OTUD7A: variants seen among roughly 807,000 people sequenced by gnomAD.
OTUD7A encodes the protein OTU deubiquitinase 7A, also known as OTU domain-containing protein 7A.
OTUD7A carries 12 observed loss-of-function variants against 65.7 expected under a neutral mutation model. That is an observed-to-expected ratio of 0.18 (90% confidence interval 0.12 to 0.30). The LOEUF (loss-of-function observed/expected upper bound fraction) is 0.30, where lower values mean the gene tolerates loss of function less well. OTUD7A is among the 10% of genes least tolerant of loss of function. OTUD7A has a pLI of 1.00. For synonymous variants in OTUD7A, 641 were observed against 586.3 expected (o/e 1.09, Z -1.35); for missense variants, 1,148 against 1,304.8 (o/e 0.88, Z 1.85).
intron 3 of OTUD7A, among the ~76,000 whole-genome samples, chr15:31,643,245 A>G (rs1444316777): frequency 6.6e-6 from 1 of 152,168 alleles, no homozygotes; most frequent in Admixed American, 6.5e-5. Context: ...TCAACCTCCC[A>G]AGTAGCTGGG....
intron 8 of OTUD7A, among the ~76,000 whole-genome samples, chr15:31,514,989 G>C (rs905337771): frequency 6.6e-6 from 1 of 152,166 alleles, no homozygotes; most frequent in Non-Finnish European, 1.5e-5. Flanking sequence ...TGCAGTGCCT[G>C]GGGGGTCAAG....
chr15:31,674,632 T>C (rs1404991697), intron 1 of OTUD7A, among the ~76,000 whole-genome samples: 1 of 152,178 alleles, frequency 6.6e-6, no homozygotes, highest in Non-Finnish European at 1.5e-5. Flanking sequence ...TGACTTGTGA[T>C]TCACCAATCT....
At chr15:31,524,097 GTAGATTCCTA>G (rs2041975684) in intron 8 of OTUD7A, among the ~76,000 whole-genome samples, 1 of 152,086 alleles carries the variant, frequency 6.6e-6, no homozygotes, top group African/African-American at 2.4e-5. Flanking sequence ...ACTCTGTTTG[GTAGATTCCTA>G]TTGCATATGC....
intron 8 of OTUD7A, among the ~76,000 whole-genome samples, chr15:31,507,785 G>A (rs543473612): frequency 1.9e-4 from 29 of 152,302 alleles, no homozygotes; most frequent in African/African-American, 6.7e-4. Flanking sequence ...ACTGATTGGT[G>A]TGTTTTACAG....
chr15:31,687,754 T>C (rs1006410302), intron 1 of OTUD7A, among the ~76,000 whole-genome samples: 1 of 152,214 alleles, frequency 6.6e-6, no homozygotes, highest in Non-Finnish European at 1.5e-5. Context: ...TGAAGGACTA[T>C]GTGACAAAGA....
At chr15:31,541,972 C>T (rs1225143655) in intron 5 of OTUD7A, among the ~76,000 whole-genome samples, 1 of 152,110 alleles carries the variant, frequency 6.6e-6, no homozygotes, top group Non-Finnish European at 1.5e-5. Flanking sequence ...GAAGACTTGA[C>T]CTAAATTGAT....
chr15:31,629,282 A>G (rs1891065952), intron 3 of OTUD7A, among the ~76,000 whole-genome samples: 1 of 152,156 alleles, frequency 6.6e-6, no homozygotes, highest in Non-Finnish European at 1.5e-5. Context: ...TACCTAATTT[A>G]TTGAGAGTTT....
At chr15:31,527,155 C>A (rs764816643) in intron 7 of OTUD7A, 26 bp downstream of exon 7, 1 of 1,613,526 alleles carries the variant, frequency 6.2e-7, no homozygotes, top group Non-Finnish European at 8.5e-7. Flanking sequence ...GGGTCCCGGG[C>A]TCTGGCCATG....
intron 3 of OTUD7A, among the ~76,000 whole-genome samples, chr15:31,614,793 T>C (rs1206246221): frequency 1.3e-5 from 2 of 152,122 alleles, no homozygotes; most frequent in Non-Finnish European, 2.9e-5. Flanking sequence ...ATTGACCCTA[T>C]AGAAAATAAC....
chr15:31,682,079 A>C (rs1165508268), intron 1 of OTUD7A, among the ~76,000 whole-genome samples: 1 of 152,180 alleles, frequency 6.6e-6, no homozygotes. Context: ...GGGATTTTGC[A>C]AAGTGGAGGG....
At chr15:31,689,344 G>A (rs1892911869) in intron 1 of OTUD7A, 1 of 150,986 alleles carries the variant, frequency 6.6e-6, no homozygotes, top group Non-Finnish European at 1.5e-5. Flanking sequence ...AAGACCCCAC[G>A]AACACAGGAC....
At chr15:31,806,275 G>A (rs905870818) in intron 1 of OTUD7A, among the ~76,000 whole-genome samples, 2 of 152,134 alleles carry the variant, frequency 1.3e-5, no homozygotes, top group Non-Finnish European at 2.9e-5. Flanking sequence ...GTGCATCTCT[G>A]GACAGGACTT....
intron 3 of OTUD7A, among the ~76,000 whole-genome samples, chr15:31,652,000 C>CAAAAAAA (rs34951638): frequency 8.7e-6 from 1 of 114,716 alleles, no homozygotes; most frequent in Non-Finnish European, 1.9e-5. Flanking sequence ...CATAGAAAGG[C>CAAAAAAA]AAAAAAAAAA....
At chr15:31,831,443 C>T (rs892008541) in intron 1 of OTUD7A, among the ~76,000 whole-genome samples, 10 of 152,144 alleles carry the variant, frequency 6.6e-5, no homozygotes, top group Non-Finnish European at 1.3e-4. Flanking sequence ...TCTTCAGCAT[C>T]GTCAGATAAC....
intron 1 of OTUD7A, among the ~76,000 whole-genome samples, chr15:31,677,430 C>A (rs545636444): frequency 6.6e-6 from 1 of 151,946 alleles, no homozygotes; most frequent in Non-Finnish European, 1.5e-5. Context: ...TGGCTGTGTC[C>A]CCACCCAAAA....
intron 10 of OTUD7A, among the ~76,000 whole-genome samples, chr15:31,493,867 A>G (rs2041350532): frequency 6.6e-6 from 1 of 152,228 alleles, no homozygotes. Context: ...TACTTAGGGG[A>G]AAAGTTATAG....
At position 31,510,928 on chromosome 15, in the gene OTUD7A, TATATGTATATCTATATGTA is replaced by T. The variant is rs2041693063; in HGVS notation, c.894-7129_894-7111del. ...CATATATGTATATCTATATGTAACA[TATATGTATATCTATATGTA>T]ACATATATGTATATCTATATGTAAC... On this transcript the variant is annotated intron_variant, in intron 8 of 12. Transcript: ENST00000307050. 1.9e-4 allele frequency among the ~76,000 whole-genome samples: 3 copies of T among 15,454 alleles called. 1 individual carries two copies. The highest frequency in any genetic ancestry group is 5.9e-4 in the African/African-American group (1 of 1,700). 10.1% of individuals were successfully genotyped at this position (15,454 alleles called of 152,430 possible).
At chr15:31,836,753 A>G (rs1297369520) in intron 1 of OTUD7A, among the ~76,000 whole-genome samples, 1 of 152,252 alleles carries the variant, frequency 6.6e-6, no homozygotes, top group Non-Finnish European at 1.5e-5. Context: ...CCACCAGATC[A>G]TATCAACTGT....
chr15:31,486,884 TAGG>T (rs887269701), intron 12 of OTUD7A, among the ~76,000 whole-genome samples: 1 of 152,134 alleles, frequency 6.6e-6, no homozygotes, highest in East Asian at 1.9e-4. Context: ...CTGCAGAAAA[TAGG>T]GGGACAAAAA....
Sources: gnomAD v4.1 joint callset for allele counts (sites outside exome capture counted in the v4.1 genomes callset) on GRCh38, gnomAD v4.1.1 for gene constraint, MANE v1.5 for transcripts, NCBI Gene and HGNC (gene_info 2026-07-23, HGNC 2026-07-21) for gene names.